FOXP1: variants seen among roughly 807,000 people sequenced by gnomAD.
FOXP1 encodes forkhead box P1.
A neutral mutation model predicts 98.2 loss-of-function variants in FOXP1; 15 were observed. The observed-to-expected ratio is 0.15, with a 90% CI of 0.10 to 0.24. The LOEUF (loss-of-function observed/expected upper bound fraction) is 0.24. Ranked by LOEUF, FOXP1 falls within the 10% of genes least tolerant of loss-of-function variation. The pLI, the probability that FOXP1 is intolerant of heterozygous loss-of-function variation, is 1.00. For synonymous variants in FOXP1, 371 were observed against 314.5 expected, an observed-to-expected ratio of 1.18 and a Z score of -1.90; for missense variants, 633 against 848.5, an observed-to-expected ratio of 0.75 and a Z score of 3.15.
intron 17 of FOXP1, among the ~76,000 whole-genome samples, chr3:70,974,443 A>G (rs2037061818): frequency 6.6e-6 from 1 of 151,978 alleles, no homozygotes; most frequent in Non-Finnish European, 1.5e-5. Flanking sequence ...GACTAGAGAC[A>G]TGTGTCACCA....
chr3:71,456,297 T>C (rs1445471397), intron 3 of FOXP1, among the ~76,000 whole-genome samples: 1 of 152,074 alleles, frequency 6.6e-6, no homozygotes, highest in African/African-American at 2.4e-5. Context: ...AACAGGAAAT[T>C]TGAGGAAACT....
chr3:71,442,091 C>G (rs973802301), intron 3 of FOXP1, among the ~76,000 whole-genome samples: 8 of 152,148 alleles, frequency 5.3e-5, no homozygotes, highest in Non-Finnish European at 8.8e-5. Context: ...AGGAGCTGAA[C>G]CATCTAGGGA....
intron 2 of FOXP1, among the ~76,000 whole-genome samples, chr3:71,545,919 G>T (rs1374774441): frequency 6.6e-6 from 1 of 152,146 alleles, no homozygotes; most frequent in Non-Finnish European, 1.5e-5. Context: ...CATGGGCACA[G>T]GTTTCCAGAA....
At chr3:71,538,103 G>A (rs529475660) in intron 2 of FOXP1, among the ~76,000 whole-genome samples, 8 of 152,178 alleles carry the variant, frequency 5.3e-5, no homozygotes, top group Non-Finnish European at 1.2e-4. Flanking sequence ...AGCCAAAAGA[G>A]AGCACAATCA....
intron 3 of FOXP1, among the ~76,000 whole-genome samples, chr3:71,459,677 C>T (rs1157269807): frequency 6.6e-6 from 1 of 152,082 alleles, no homozygotes; most frequent in African/African-American, 2.4e-5. Flanking sequence ...TTATTTTAGC[C>T]TCCAAATTCA....
At chr3:71,254,520 C>A (rs554193872) in intron 5 of FOXP1, among the ~76,000 whole-genome samples, 1 of 152,334 alleles carries the variant, frequency 6.6e-6, no homozygotes, top group South Asian at 2.1e-4. Context: ...TATTAATGTT[C>A]ATGATAATAC....
intron 4 of FOXP1, among the ~76,000 whole-genome samples, chr3:71,312,758 G>T (rs1275721721): frequency 6.6e-6 from 1 of 152,200 alleles, no homozygotes; most frequent in Non-Finnish European, 1.5e-5. Flanking sequence ...GCCAAGGCAG[G>T]TGATCACACT....
intron 2 of FOXP1, among the ~76,000 whole-genome samples, chr3:71,513,542 C>T (rs1453418659): frequency 5.3e-5 from 8 of 152,306 alleles, no homozygotes; most frequent in South Asian, 2.1e-4. Context: ...ATTCTCAACA[C>T]GGTAGCAAAA....
At chr3:71,066,286 C>T (rs1576550824) in intron 7 of FOXP1, among the ~76,000 whole-genome samples, 1 of 152,150 alleles carries the variant, frequency 6.6e-6, no homozygotes, top group East Asian at 1.9e-4. Flanking sequence ...CCTCTTTACT[C>T]TGGCTGTAAA....
At chr3:71,350,946 C>G (rs1163985761) in intron 4 of FOXP1, among the ~76,000 whole-genome samples, 6 of 152,120 alleles carry the variant, frequency 3.9e-5, no homozygotes, top group Non-Finnish European at 5.9e-5. Context: ...CCAAGCAGGA[C>G]CTCCCACCAC....
chr3:71,463,767 C>T (rs2088405122), intron 3 of FOXP1, among the ~76,000 whole-genome samples: 1 of 152,106 alleles, frequency 6.6e-6, no homozygotes, highest in South Asian at 2.1e-4. Flanking sequence ...TTAATCATGT[C>T]CTGGAGGTTT....
At chr3:71,455,886 T>C (rs535292174) in intron 3 of FOXP1, among the ~76,000 whole-genome samples, 45 of 152,352 alleles carry the variant, frequency 3.0e-4, no homozygotes, top group African/African-American at 1.1e-3. Flanking sequence ...TATGCAAGAA[T>C]GGTTTAATAA....
chr3:71,421,809 A>T (rs1237197844), intron 3 of FOXP1, among the ~76,000 whole-genome samples: 5 of 152,250 alleles, frequency 3.3e-5, no homozygotes, highest in African/African-American at 1.2e-4. Context: ...ATCACCACCT[A>T]CCATAATTCT....
rs1560425384 is a variant in FOXP1, at chr3:71,397,038, ATATATATATACACATATATATGTG to A, written c.-167-37818_-167-37795del. On this transcript the variant is annotated intron_variant, in intron 3 of 20. Transcript: ENST00000649528. Reference sequence around the variant, plus strand: ...TATATATATATACATATATATGTGTATATATATATACACATATATATGTGTATATATATATACATATATATGTGT... The same window carrying A: ...TATATATATATACATATATATGTGTATATATATATATACATATATATGTGT... 4.5e-4 allele frequency among the ~76,000 whole-genome samples: 29 copies of A among 65,018 alleles called. 6 individuals carry two copies. Among genetic ancestry groups the A allele is most frequent in the African/African-American group, 1.2e-3 (20 of 16,070 alleles). 42.7% of individuals were successfully genotyped at this position (65,018 alleles called of 152,430 possible).
intron 12 of FOXP1, among the ~76,000 whole-genome samples, chr3:71,007,451 C>T (rs1247983902): frequency 6.6e-6 from 1 of 152,174 alleles, no homozygotes; most frequent in Non-Finnish European, 1.5e-5. Flanking sequence ...GATATCCGGC[C>T]TCCTTCGACA....
intron 6 of FOXP1, among the ~76,000 whole-genome samples, chr3:71,129,201 C>T (rs1407671265): frequency 6.6e-6 from 1 of 152,128 alleles, no homozygotes; most frequent in African/African-American, 2.4e-5. Flanking sequence ...TGAGTAAATA[C>T]CTTCAGTCAC....
intron 2 of FOXP1, among the ~76,000 whole-genome samples, chr3:71,559,858 G>T (rs1055691008): frequency 6.6e-6 from 1 of 151,866 alleles, no homozygotes; most frequent in African/African-American, 2.4e-5. Flanking sequence ...GGGCTGCTGG[G>T]GGTTGCGGGG....
At chr3:71,291,021 C>T (rs55642084) in intron 5 of FOXP1, among the ~76,000 whole-genome samples, 32,309 of 152,084 alleles carry the variant, frequency 0.21, 3,752 homozygotes, top group Middle Eastern at 0.27. Flanking sequence ...CTTACCCTGA[C>T]CACCCACCAC....
chr3:71,548,675 A>C (rs1388328376), intron 2 of FOXP1, among the ~76,000 whole-genome samples: 1 of 152,170 alleles, frequency 6.6e-6, no homozygotes, highest in Non-Finnish European at 1.5e-5. Flanking sequence ...CTGAGATTAC[A>C]GGTGTGAGTC....
Sources: gnomAD v4.1 joint callset for allele counts (sites outside exome capture counted in the v4.1 genomes callset) on GRCh38, gnomAD v4.1.1 for gene constraint, MANE v1.5 for transcripts, NCBI Gene and HGNC (gene_info 2026-07-23, HGNC 2026-07-21) for gene names.